Variants in CAMKMT observed in about 807,000 individuals in gnomAD.
CAMKMT encodes CaM KMT.
CAMKMT carries 53 observed loss-of-function variants against 48.0 expected under a neutral mutation model. The observed-to-expected ratio is 1.10, with a 90% CI of 0.89 to 1.39. The LOEUF is 1.39. Ranked by LOEUF, CAMKMT falls within the 40% of genes most tolerant of loss-of-function variation. The pLI is 0.00. For synonymous variants in CAMKMT, 165 were observed against 152.3 expected, an observed-to-expected ratio of 1.08 and a Z score of -0.61; for missense variants, 428 against 402.7, an observed-to-expected ratio of 1.06 and a Z score of -0.54.
intron 3 of CAMKMT, among the ~76,000 whole-genome samples, chr2:44,703,537 T>C (rs1395310052): frequency 1.3e-5 from 2 of 152,134 alleles, no homozygotes; most frequent in African/African-American, 4.8e-5. Context: ...CCCAGCACTT[T>C]GGGAGGCCGA....
chr2:44,394,139 G>A (rs890215087), intron 3 of CAMKMT, among the ~76,000 whole-genome samples: 17 of 152,096 alleles, frequency 1.1e-4, no homozygotes, highest in African/African-American at 3.6e-4. Flanking sequence ...ACAATATAAT[G>A]TATATAATCC....
chr2:44,710,118 A>G (rs76164826), intron 6 of CAMKMT, among the ~76,000 whole-genome samples: 10 of 151,756 alleles, frequency 6.6e-5, no homozygotes, highest in Admixed American at 3.3e-4. Flanking sequence ...AAAAAAAAAA[A>G]CAGCATTTCC....
At chr2:44,423,402 A>C (rs1025508245) in intron 3 of CAMKMT, among the ~76,000 whole-genome samples, 7 of 151,724 alleles carry the variant, frequency 4.6e-5, no homozygotes, top group African/African-American at 1.7e-4. Flanking sequence ...CTGGTCTCGA[A>C]CTCCTGACCT....
At chr2:44,683,827 AAAAAAAAAAAAAAAAAGAAAAAG>A (rs1676172185) in intron 3 of CAMKMT, among the ~76,000 whole-genome samples, 1 of 144,736 alleles carries the variant, frequency 6.9e-6, no homozygotes, top group African/African-American at 2.8e-5. Context: ...TGTCTCAAAA[AAAAAAAAAAAAAAAAAGAAAAAG>A]AAAAAAGAAA....
intron 3 of CAMKMT, among the ~76,000 whole-genome samples, chr2:44,638,083 A>G (rs1439439940): frequency 6.6e-6 from 1 of 151,902 alleles, no homozygotes; most frequent in East Asian, 1.9e-4. Context: ...GAGAAAAAGA[A>G]AAAGAAAAAA....
At chr2:44,645,783 T>G (rs193105506) in intron 3 of CAMKMT, among the ~76,000 whole-genome samples, 157 of 152,278 alleles carry the variant, frequency 1.0e-3, no homozygotes, top group African/African-American at 3.5e-3. Context: ...ATTATGCCAC[T>G]GCGCTCCAGC....
chr2:44,551,056 A>G (rs958758975), intron 3 of CAMKMT, among the ~76,000 whole-genome samples: 2 of 152,168 alleles, frequency 1.3e-5, no homozygotes, highest in Non-Finnish European at 2.9e-5. Flanking sequence ...AGTCTCATCT[A>G]TTCTACCTAG....
At chr2:44,698,580 A>G (rs964311845) in intron 3 of CAMKMT, among the ~76,000 whole-genome samples, 2 of 152,256 alleles carry the variant, frequency 1.3e-5, no homozygotes, top group Non-Finnish European at 2.9e-5. Context: ...TTATTGCTAA[A>G]AAATACTAAT....
At chr2:44,523,922 C>T (rs1443890788) in intron 3 of CAMKMT, among the ~76,000 whole-genome samples, 2 of 151,728 alleles carry the variant, frequency 1.3e-5, no homozygotes, top group Admixed American at 6.6e-5. Flanking sequence ...GAATTACAGG[C>T]ATGCACCACC....
chr2:44,366,164 T>G (rs79929768), intron 1 of CAMKMT, among the ~76,000 whole-genome samples: 2,385 of 152,350 alleles, frequency 0.016, 36 homozygotes, highest in Non-Finnish European at 0.026. Context: ...ATGTTATTAG[T>G]TTTGTAATAT....
rs529651610 is a variant in CAMKMT at position 44,449,046 on chromosome 2, G to A, written c.376+58741G>A. 5.3e-5 allele frequency among the ~76,000 whole-genome samples: 8 copies of A among 152,160 alleles called. No homozygotes were observed. In the East Asian group the frequency reaches 7.7e-4, roughly 15 times the overall value. ...ATGAAAATGTTGAAAAATTGATTGC[G>A]ACAATGTTTGCACACCTGTGTAAAT... On this transcript the variant is annotated intron_variant, in intron 3 of 10. Transcript: ENST00000378494.
At chr2:44,481,546 A>G (rs1668965135) in intron 3 of CAMKMT, among the ~76,000 whole-genome samples, 1 of 152,008 alleles carries the variant, frequency 6.6e-6, no homozygotes, top group Middle Eastern at 3.2e-3. Flanking sequence ...AATTAATTTC[A>G]GTTTATATTA....
At chr2:44,439,123 A>T (rs1282016130) in intron 3 of CAMKMT, among the ~76,000 whole-genome samples, 1 of 152,110 alleles carries the variant, frequency 6.6e-6, no homozygotes, top group East Asian at 1.9e-4. Context: ...AGTTAGTTTC[A>T]TTTTCTTGAA....
At chr2:44,406,160 C>T (rs1682762824) in intron 3 of CAMKMT, among the ~76,000 whole-genome samples, 1 of 152,150 alleles carries the variant, frequency 6.6e-6, no homozygotes, top group Non-Finnish European at 1.5e-5. Flanking sequence ...TCATGTTTCA[C>T]CTGACAGTTG....
intron 3 of CAMKMT, among the ~76,000 whole-genome samples, chr2:44,441,654 T>C (rs1035629060): frequency 6.6e-6 from 1 of 152,198 alleles, no homozygotes; most frequent in African/African-American, 2.4e-5. Context: ...GGTGCATTGA[T>C]ATTTGTAGAT....
intron 3 of CAMKMT, among the ~76,000 whole-genome samples, chr2:44,484,153 T>G (rs978107143): frequency 2.5e-4 from 38 of 151,592 alleles, no homozygotes; most frequent in Non-Finnish European, 5.2e-4. Context: ...GAAGAGATAC[T>G]ATTAGCAGAG....
chr2:44,765,566 T>C (rs1039566890), intron 9 of CAMKMT, among the ~76,000 whole-genome samples: 3 of 151,916 alleles, frequency 2.0e-5, no homozygotes, highest in Admixed American at 1.3e-4. Flanking sequence ...GTTTGGCCAT[T>C]CTGTACACAT....
intron 9 of CAMKMT, among the ~76,000 whole-genome samples, chr2:44,764,998 G>A (rs968361809): frequency 6.6e-6 from 1 of 152,096 alleles, no homozygotes; most frequent in African/African-American, 2.4e-5. Context: ...CAAGGTGGGA[G>A]GACCACCTGA....
chr2:44,642,751 C>T (rs1161153168), intron 3 of CAMKMT, among the ~76,000 whole-genome samples: 2 of 152,032 alleles, frequency 1.3e-5, no homozygotes, highest in African/African-American at 4.8e-5. Context: ...CCCTTGGGTC[C>T]AGCCTTCCCA....
Sources: allele counts gnomAD v4.1 joint callset (sites outside exome capture counted in the v4.1 genomes callset), GRCh38; gene constraint gnomAD v4.1.1; transcripts MANE v1.5; gene names NCBI Gene and HGNC (gene_info 2026-07-23, HGNC 2026-07-21).